PLTP: variants seen among roughly 807,000 people sequenced by gnomAD.
The protein encoded by PLTP is BPI fold containing family E.
A neutral mutation model predicts 54.1 loss-of-function variants in PLTP; 43 were observed. That is an observed-to-expected ratio of 0.79 (90% CI 0.62 to 1.02). The LOEUF (loss-of-function observed/expected upper bound fraction) is 1.02, where lower values mean the gene tolerates loss of function less well. PLTP is among the 50% of genes least tolerant of loss of function. PLTP has a pLI of 0.00. For missense variants in PLTP, 604 were observed against 645.9 expected, an observed-to-expected ratio of 0.94 and a Z score of 0.70; for synonymous variants, 263 against 264.6, an observed-to-expected ratio of 0.99 and a Z score of 0.06.
At chr20:45,900,205 C>A (rs1157199651) in intron 12 of PLTP, among the ~76,000 whole-genome samples, 2 of 148,950 alleles carry the variant, frequency 1.3e-5, no homozygotes, top group Non-Finnish European at 3.0e-5. Context: ...CCCGGGTTCA[C>A]GCCATTCTCC....
At chr20:45,899,807 G>GGGCCCCGGCCCCCCCCCCCCCCCCC in intron 13 of PLTP, 29 bp downstream of exon 13, 1 of 1,369,466 alleles carries the variant, frequency 7.3e-7, no homozygotes, top group Non-Finnish European at 1.0e-6. Flanking sequence ...CACGAACCCA[G>GGGCCCCGGCCCCCCCCCCCCCCCCC]CCCAGCCCAC....
At chr20:45,910,616 G>GGA (rs2083281171) in intron 3 of PLTP, among the ~76,000 whole-genome samples, 1 of 102,418 alleles carries the variant, frequency 9.8e-6, no homozygotes, top group African/African-American at 3.6e-5. Context: ...CTCCCTCTCA[G>GGA]AAAAAAAAAA....
chr20:45,911,093 G>A, intron 3 of PLTP, 59 bp downstream of exon 3: 2 of 1,611,810 alleles, frequency 1.2e-6, no homozygotes, highest in South Asian at 2.2e-5. Flanking sequence ...AGATTTCTCG[G>A]GCCCCGCCTC....
chr20:45,900,385 G>A (rs570777178), intron 12 of PLTP, among the ~76,000 whole-genome samples: 148 of 152,086 alleles, frequency 9.7e-4, no homozygotes, highest in African/African-American at 3.5e-3. Context: ...GATTACAGGC[G>A]TGAGCCACCA....
In PLTP at chr20:45,899,550, A is replaced by T. The variant is rs776079551; in HGVS notation, c.1283-12T>A. ...ACGCCAGGTCCGCTCTGTGGGTGGG[A>T]GCACCCCGCTCAGTCTGGGCCCGCC... On this transcript the variant is annotated splice_polypyrimidine_tract_variant and intron_variant, in intron 14 of 15. Coordinates refer to ENST00000372431, the MANE Select transcript of PLTP (RefSeq NM_006227.4). 2 of 1,613,950 alleles carry T rather than the reference A, an allele frequency of 1.2e-6. No individual in the cohort carries two copies. Among genetic ancestry groups the T allele is most frequent in the Non-Finnish European group, 1.7e-6 (2 of 1,179,922 alleles).
At position 45,899,453 on chromosome 20, in the gene PLTP, C is replaced by T. The variant is rs1473080345; in HGVS notation, c.1359+9G>A. The T allele has an allele frequency of 1.2e-6, 2 of 1,613,896 alleles. No homozygotes were observed. The highest frequency in any genetic ancestry group is 1.3e-5 in the African/African-American group (1 of 74,982). On this transcript the variant is annotated intron_variant, in intron 15 of 15. Transcript: ENST00000372431. ...GCCCTCCCTCCTTCCCCATCCTGCC[C>T]CCACTCACCGCATGGTTCGTCACCA...
rs1410495887 is a variant in PLTP, at chr20:45,911,210, T to A, written c.142A>T (p.Thr48Ser). ...CCCCGCAGGTCCGGAATGGTGATAG[T>A]CTCCAGCTCTTGCTCCAGAAAGCGC... ...GLRFLEQELE[T>S]ITIPDLRGKE... Residue 48 changes from threonine (T) to serine (S), a missense_variant, in exon 3 of 16, where the codon ACT becomes TCT. By Grantham distance (58) the Thr-to-Ser change is moderately conservative. Coordinates refer to ENST00000372431, the MANE Select transcript of PLTP (RefSeq NM_006227.4). 6.2e-7 allele frequency: 1 copy of A among 1,613,972 alleles called. No individual in the cohort carries two copies. Among genetic ancestry groups the A allele is most frequent in the Non-Finnish European group, 8.5e-7 (1 of 1,180,010 alleles).
intron 3 of PLTP, 136 bp downstream of exon 3, chr20:45,911,016 C>T: frequency 6.3e-7 from 1 of 1,587,424 alleles, no homozygotes; most frequent in Non-Finnish European, 8.6e-7. Context: ...CATCCGGTTT[C>T]TTAAGTCTTG....
chr20:45,900,172 G>A (rs754623979), intron 12 of PLTP, among the ~76,000 whole-genome samples: 28 of 132,440 alleles, frequency 2.1e-4, no homozygotes, highest in African/African-American at 6.6e-4. Flanking sequence ...GCAGTGGCGC[G>A]ATCTCGGCTC....
intron 7 of PLTP, among the ~76,000 whole-genome samples, chr20:45,907,052 G>A (rs2083246286): frequency 7.9e-6 from 1 of 126,826 alleles, no homozygotes. Context: ...TTCATGGCCA[G>A]GCACAGTGGC....
chr20:45,904,037 T>A (rs577555837), intron 10 of PLTP, among the ~76,000 whole-genome samples: 16 of 152,286 alleles, frequency 1.1e-4, no homozygotes, highest in African/African-American at 3.9e-4. Flanking sequence ...GAGGCACAGA[T>A]AGGTTAAGTA....
intron 4 of PLTP, 42 bp downstream of exon 4, chr20:45,909,900 C>T: frequency 6.2e-7 from 1 of 1,612,326 alleles, no homozygotes; most frequent in Non-Finnish European, 8.5e-7. Flanking sequence ...CTCCAGCCCT[C>T]CTGACCCACT....
intron 12 of PLTP, among the ~76,000 whole-genome samples, chr20:45,900,449 G>A (rs1302418000): frequency 2.0e-5 from 3 of 151,982 alleles, no homozygotes; most frequent in Non-Finnish European, 4.4e-5. Flanking sequence ...TGGTAGCTTT[G>A]CAGGTGTTAT....
intron 12 of PLTP, among the ~76,000 whole-genome samples, chr20:45,900,171 C>T (rs996089391): frequency 2.2e-5 from 3 of 133,778 alleles, no homozygotes; most frequent in Non-Finnish European, 4.6e-5. Context: ...TGCAGTGGCG[C>T]GATCTCGGCT....
chr20:45,910,615 A>AG (rs1170895326), intron 3 of PLTP, among the ~76,000 whole-genome samples: 118 of 147,568 alleles, frequency 8.0e-4, no homozygotes, highest in Non-Finnish European at 9.7e-4. Flanking sequence ...ACTCCCTCTC[A>AG]GAAAAAAAAA....
intron 11 of PLTP, 21 bp from the exon 12 acceptor site, chr20:45,902,355 G>C: frequency 1.2e-6 from 2 of 1,614,156 alleles, no homozygotes; most frequent in Non-Finnish European, 1.7e-6. Context: ...ATGGGGAGGA[G>C]GATGTTACTG....
rs759597997 is a variant in PLTP, at chr20:45,905,073, G to A, written c.751C>T (p.Arg251Trp). The change falls in exon 9 of 16, where the codon CGG (arginine) becomes TGG (tryptophan). Residue 251 changes from arginine (R) to tryptophan (W), a missense_variant. Transcript: ENST00000372431. The stretch of plus-strand genomic sequence containing the variant: ...TCCTGCAGCTGGGGCTCCACTGCCC[G>A]GTTGGGGAGGCTCCAGTTCCTCTCA... ...LTERNWSLPN[R>W]AVEPQLQEEE... 4.0e-5 allele frequency: 64 copies of A among 1,614,088 alleles called. No individual in the cohort carries two copies. The highest frequency in any genetic ancestry group is 6.7e-5 in the East Asian group (3 of 44,898).
intron 3 of PLTP, 197 bp downstream of exon 3, chr20:45,910,955 T>C: frequency 1.4e-6 from 2 of 1,457,506 alleles, no homozygotes; most frequent in Non-Finnish European, 1.8e-6. Flanking sequence ...GCCACGCCCA[T>C]CTGCCTGGTC....
rs377024064 is a variant in PLTP at position 45,899,697 on chromosome 20, G to A, written c.1219-12C>T. The A allele has an allele frequency of 4.6e-5, 74 of 1,614,036 alleles. No homozygotes were observed. The highest frequency in any genetic ancestry group is 8.0e-5 in the African/African-American group (6 of 74,924). On this transcript the variant is annotated splice_polypyrimidine_tract_variant and intron_variant, in intron 13 of 15. Transcript: ENST00000372431. ...TGTAATGGGATCAGCTGGGAGGGGCGAGGGCGGAAACAGGGCAGTGAGTCA... is the reference window on the plus strand; with the variant it reads ...TGTAATGGGATCAGCTGGGAGGGGCAAGGGCGGAAACAGGGCAGTGAGTCA...
Sources: allele counts gnomAD v4.1 joint callset (sites outside exome capture counted in the v4.1 genomes callset), GRCh38; gene constraint gnomAD v4.1.1; transcripts MANE v1.5; gene names NCBI Gene and HGNC (gene_info 2026-07-23, HGNC 2026-07-21).